The following ZDHHC14 variants were observed in gnomAD, a reference collection of about 807,000 sequenced individuals.
The protein encoded by ZDHHC14 is palmitoyltransferase ZDHHC14.
A neutral mutation model predicts 47.7 loss-of-function variants in ZDHHC14; 16 were observed. That is an observed-to-expected ratio of 0.34 (90% confidence interval 0.23 to 0.51). The LOEUF is 0.51. Among genes scored for constraint, ZDHHC14 ranks in the 20% least tolerant of loss-of-function variants. The probability of loss-of-function intolerance (pLI) is 0.97; values close to 1 mark genes in which losing one functional copy is unlikely to be tolerated. For synonymous variants in ZDHHC14, 293 were observed against 278.9 expected (o/e 1.05, Z -0.50); for missense variants, 515 against 662.5 (o/e 0.78, Z 2.44).
chr6:157,589,469 T>TC (rs1303740252), intron 2 of ZDHHC14, among the ~76,000 whole-genome samples: 1 of 152,154 alleles, frequency 6.6e-6, no homozygotes, highest in African/African-American at 2.4e-5. Flanking sequence ...TCCCCATGTG[T>TC]CATGGGAGGG....
At chr6:157,634,531 G>A (rs1214676000) in intron 5 of ZDHHC14, among the ~76,000 whole-genome samples, 4 of 152,216 alleles carry the variant, frequency 2.6e-5, no homozygotes, top group African/African-American at 9.6e-5. Flanking sequence ...TCATAGCCAA[G>A]TCGCCTCTCC....
At chr6:157,442,745 AG>A (rs1778586470) in intron 1 of ZDHHC14, among the ~76,000 whole-genome samples, 1 of 152,230 alleles carries the variant, frequency 6.6e-6, no homozygotes. Context: ...CGCCTCCTGA[AG>A]AACAATTTGC....
intron 1 of ZDHHC14, among the ~76,000 whole-genome samples, chr6:157,496,039 T>G (rs992244526): frequency 4.6e-5 from 7 of 152,154 alleles, no homozygotes; most frequent in African/African-American, 2.4e-5. Context: ...GTGCTTTTGG[T>G]CATAAAGCAC....
chr6:157,554,530 A>G (rs1351517701), intron 2 of ZDHHC14, among the ~76,000 whole-genome samples: 1 of 152,228 alleles, frequency 6.6e-6, no homozygotes, highest in Non-Finnish European at 1.5e-5. Context: ...TTTGTCACAC[A>G]GTACATTTCA....
At chr6:157,647,959 C>T (rs191164798) in intron 7 of ZDHHC14, among the ~76,000 whole-genome samples, 1 of 152,256 alleles carries the variant, frequency 6.6e-6, no homozygotes, top group East Asian at 1.9e-4. Context: ...TAGGTAGGCA[C>T]CGTTATATCC....
chr6:157,460,405 G>GAAAAAAA (rs1164382844), intron 1 of ZDHHC14, among the ~76,000 whole-genome samples: 1 of 43,360 alleles, frequency 2.3e-5, no homozygotes, highest in Non-Finnish European at 4.0e-5. Context: ...TCTCTCTCTG[G>GAAAAAAA]AAAAAAAAAA....
intron 3 of ZDHHC14, among the ~76,000 whole-genome samples, chr6:157,598,136 C>T (rs1167090677): frequency 6.6e-6 from 1 of 152,208 alleles, no homozygotes; most frequent in Non-Finnish European, 1.5e-5. Context: ...TGCATACACT[C>T]TGCTGTGCGC....
In ZDHHC14 at chr6:157,457,113, G is replaced by A. The variant is rs563618784; in HGVS notation, c.245+74847G>A. Reference sequence around the variant, plus strand: ...CGCTTGAACTCGGGAGGTGGAGATTGCAGTGAGCCGAGATTGCACCATTGC... The same window carrying A: ...CGCTTGAACTCGGGAGGTGGAGATTACAGTGAGCCGAGATTGCACCATTGC... On this transcript the variant is annotated intron_variant, in intron 1 of 8. Coordinates refer to ENST00000359775, the MANE Select transcript of ZDHHC14 (RefSeq NM_024630.3). Among the ~76,000 whole-genome samples, 3 of 150,816 alleles carry A rather than the reference G, an allele frequency of 2.0e-5. No individual in the cohort carries two copies. In the East Asian group the frequency reaches 5.9e-4, roughly 29 times the overall value.
chr6:157,643,441 A>G (rs1253345107), intron 5 of ZDHHC14, among the ~76,000 whole-genome samples: 1 of 151,912 alleles, frequency 6.6e-6, no homozygotes, highest in Non-Finnish European at 1.5e-5. Context: ...TGAGGTCAGG[A>G]GTCCGAGACC....
chr6:157,669,387 T>C (rs77648900), intron 8 of ZDHHC14, among the ~76,000 whole-genome samples: 9,452 of 151,508 alleles, frequency 0.062, 415 homozygotes, highest in Middle Eastern at 0.095. Flanking sequence ...GAGAGGAAAG[T>C]TGAAAGAAAC....
In ZDHHC14 at chr6:157,582,886, CTT is replaced by C. The variant is rs1783564805; in HGVS notation, c.407-10100_407-10099del. ...CACCAATGAGTCGCTGATTTGGTCT[CTT>C]TACATAAGCCCATATTTCTCAGAGG... On this transcript the variant is annotated intron_variant, in intron 2 of 8. Transcript: ENST00000359775. This position sits in a 1 kb window ranked among gnomAD's most constrained non-coding sequence, Gnocchi z 4.3. Among the ~76,000 whole-genome samples the C allele has an allele frequency of 6.6e-6, 1 of 152,032 alleles. No individual in the cohort carries two copies. Among genetic ancestry groups the C allele is most frequent in the Admixed American group, 6.6e-5 (1 of 15,252 alleles).
At chr6:157,568,889 A>T (rs1282332921) in intron 2 of ZDHHC14, among the ~76,000 whole-genome samples, 1 of 151,926 alleles carries the variant, frequency 6.6e-6, no homozygotes, top group Non-Finnish European at 1.5e-5. Flanking sequence ...GATAGCTGTT[A>T]TTTCTTTGTG....
At chr6:157,627,604 G>A (rs372868377) in intron 3 of ZDHHC14, among the ~76,000 whole-genome samples, 6 of 152,142 alleles carry the variant, frequency 3.9e-5, no homozygotes, top group Non-Finnish European at 5.9e-5. Flanking sequence ...TGCCCATATC[G>A]GACCCTCTGT....
chr6:157,654,721 A>G (rs145772032), intron 8 of ZDHHC14, among the ~76,000 whole-genome samples: 189 of 149,792 alleles, frequency 1.3e-3, no homozygotes, highest in African/African-American at 4.5e-3. Flanking sequence ...CTGCTTTACT[A>G]ATAAAGCGTT....
At position 157,576,168 on chromosome 6, in the gene ZDHHC14, C is replaced by T. The variant is rs35497494; in HGVS notation, c.407-16820C>T. ...CTTGAAGAAAAATGTTTAAGACAAA[C>T]GGACATACTAAGGATTTTAACTGGA... is the stretch of plus-strand genomic sequence containing the variant. On this transcript the variant is annotated intron_variant, in intron 2 of 8. Transcript: ENST00000359775. Among the ~76,000 whole-genome samples the T allele has an allele frequency of 3.7e-3, 562 of 152,272 alleles. 6 individuals carry two copies. The highest frequency in any genetic ancestry group is 0.027 in the Middle Eastern group (8 of 294).
intron 1 of ZDHHC14, among the ~76,000 whole-genome samples, chr6:157,437,940 T>C (rs1026000150): frequency 2.6e-5 from 4 of 152,176 alleles, no homozygotes; most frequent in Admixed American, 2.6e-4. Flanking sequence ...TTTCTTTTTA[T>C]TTTATAATTT....
intron 5 of ZDHHC14, among the ~76,000 whole-genome samples, chr6:157,642,270 C>T (rs557299306): frequency 1.3e-5 from 2 of 152,200 alleles, no homozygotes; most frequent in East Asian, 3.8e-4. Context: ...CATTCTGCCT[C>T]CTGCACAACC....
chr6:157,464,565 A>T (rs1453721590), intron 1 of ZDHHC14, among the ~76,000 whole-genome samples: 2 of 152,242 alleles, frequency 1.3e-5, no homozygotes, highest in Non-Finnish European at 2.9e-5. Flanking sequence ...AGTAGATTTT[A>T]GGGTGAATGT....
chr6:157,445,140 A>ACACACACT (rs1363801805), intron 1 of ZDHHC14, among the ~76,000 whole-genome samples: 15 of 147,052 alleles, frequency 1.0e-4, no homozygotes, highest in African/African-American at 3.4e-4. Flanking sequence ...ACACACACAC[A>ACACACACT]CACACTCTTC....
Sources: gnomAD v4.1 joint callset for allele counts (sites outside exome capture counted in the v4.1 genomes callset) on GRCh38, gnomAD v4.1.1 for gene constraint, Gnocchi (gnomAD v3.1) non-coding constraint, MANE v1.5 for transcripts, NCBI Gene and HGNC (gene_info 2026-07-23, HGNC 2026-07-21) for gene names.